BMPR2: variants seen among roughly 807,000 people sequenced by gnomAD.
BMPR2 encodes bone morphogenetic protein receptor type 2.
BMPR2 carries 29 observed loss-of-function variants against 100.8 expected under a neutral mutation model. The observed-to-expected ratio is 0.29, with a 90% CI of 0.21 to 0.39. The LOEUF is 0.39. Ranked by LOEUF, BMPR2 falls within the 10% of genes least tolerant of loss-of-function variation. The pLI, the probability that BMPR2 is intolerant of heterozygous loss-of-function variation, is 1.00. For missense variants in BMPR2, 1,011 were observed against 1,274.5 expected (o/e 0.79, Z 3.15); for synonymous variants, 382 against 442.3 (o/e 0.86, Z 1.71).
chr2:202,517,976 C>CTTTTTTTTTTT (rs67110605), intron 5 of BMPR2, among the ~76,000 whole-genome samples: 148 of 88,404 alleles, frequency 1.7e-3, no homozygotes, highest in East Asian at 2.2e-3. Flanking sequence ...CCACGCCTGA[C>CTTTTTTTTTTT]TTTTTTTTTT....
At chr2:202,395,972 C>G (rs1690649669) in intron 1 of BMPR2, among the ~76,000 whole-genome samples, 2 of 151,858 alleles carry the variant, frequency 1.3e-5, no homozygotes, top group Admixed American at 1.3e-4. Flanking sequence ...AAAAAAAAAG[C>G]TTACAATTCC....
At chr2:202,440,153 T>C (rs1173583914) in intron 1 of BMPR2, among the ~76,000 whole-genome samples, 3 of 150,820 alleles carry the variant, frequency 2.0e-5, no homozygotes, top group African/African-American at 7.5e-5. Context: ...CTGATCTCTC[T>C]TTCTTTTCCC....
Position 202,554,715 on chromosome 2 carries a change from A to G in BMPR2, c.1587-537A>G, listed in dbSNP as rs79944955. Among the ~76,000 whole-genome samples the G allele has an allele frequency of 1.3e-3, 193 of 152,324 alleles. 2 individuals carry two copies. In the East Asian group the frequency reaches 0.035, roughly 28 times the overall value. On this transcript the variant is annotated intron_variant, in intron 11 of 12. Coordinates refer to ENST00000374580, the MANE Select transcript of BMPR2 (RefSeq NM_001204.7). ...TTACTGATATGACTCAGACTACCCC[A>G]GAAAGATATGTGCCATTACTAGGGC...
intron 1 of BMPR2, among the ~76,000 whole-genome samples, chr2:202,382,067 T>G (rs934017103): frequency 6.0e-5 from 9 of 149,010 alleles, no homozygotes; most frequent in African/African-American, 1.5e-4. Context: ...TGTTTTTTTT[T>G]TTTTTTTTTT....
chr2:202,438,581 A>G (rs530788639), intron 1 of BMPR2, among the ~76,000 whole-genome samples: 2 of 150,606 alleles, frequency 1.3e-5, no homozygotes, highest in Non-Finnish European at 2.9e-5. Flanking sequence ...TGAGATATTT[A>G]TAGATTTACT....
chr2:202,397,509 T>G (rs964079938), intron 1 of BMPR2, among the ~76,000 whole-genome samples: 1 of 151,320 alleles, frequency 6.6e-6, no homozygotes, highest in Non-Finnish European at 1.5e-5. Context: ...TTTTTGTTTT[T>G]TTTTTTTGAG....
At chr2:202,434,487 AG>A (rs1691566748) in intron 1 of BMPR2, among the ~76,000 whole-genome samples, 2 of 150,652 alleles carry the variant, frequency 1.3e-5, no homozygotes, top group South Asian at 4.1e-4. Flanking sequence ...AATTTGTTAA[AG>A]AGTCCTTCTC....
At chr2:202,504,125 C>G (rs1687466086) in intron 3 of BMPR2, among the ~76,000 whole-genome samples, 1 of 152,082 alleles carries the variant, frequency 6.6e-6, no homozygotes, top group South Asian at 2.1e-4. Flanking sequence ...TCAAAACAGA[C>G]CACTCGGCTC....
chr2:202,455,598 C>T (rs1692081700), intron 1 of BMPR2, among the ~76,000 whole-genome samples: 2 of 152,112 alleles, frequency 1.3e-5, no homozygotes, highest in Admixed American at 1.3e-4. Flanking sequence ...AGTCTGCTTT[C>T]CTCAGTAAAA....
chr2:202,531,075 G>A (rs1688015678), intron 8 of BMPR2, 121 bp downstream of exon 8: 5 of 1,191,740 alleles, frequency 4.2e-6, no homozygotes, highest in Admixed American at 2.0e-5. Context: ...GGCCCAGGTG[G>A]GTGGATCACC....
intron 1 of BMPR2, among the ~76,000 whole-genome samples, chr2:202,394,409 A>G (rs569676618): frequency 7.2e-5 from 11 of 152,166 alleles, no homozygotes; most frequent in Non-Finnish European, 1.2e-4. Context: ...ACTGACATTC[A>G]TAAAATATAC....
In BMPR2 at chr2:202,562,251, T is replaced by C. The variant is rs1285981734; in HGVS notation, c.*2305T>C. On this transcript the variant is annotated 3_prime_UTR_variant, in exon 13 of 13. Coordinates refer to ENST00000374580, the MANE Select transcript of BMPR2 (RefSeq NM_001204.7). ...TCTGCTATATTTGTATTTGGGCCAGTTGATTGTAGGTTGTCCAACATTTTT... is the reference window on the plus strand; with the variant it reads ...TCTGCTATATTTGTATTTGGGCCAGCTGATTGTAGGTTGTCCAACATTTTT... 1 of 152,524 alleles carries C rather than the reference T, an allele frequency of 6.6e-6. No homozygotes were observed. Among genetic ancestry groups the C allele is most frequent in the East Asian group, 1.9e-4 (1 of 5,200 alleles). The allele number at this position is 152,524 out of a possible 1,614,324, so 9.4% of individuals were successfully genotyped here. A position where few individuals can be genotyped will look rare whatever the true frequency, so the allele number is the denominator to read the frequency against.
rs564196166 is a variant in BMPR2 at position 202,524,372 on chromosome 2, A to C, written c.967+4171A>C. Among the ~76,000 whole-genome samples, 1,025 of 150,930 alleles carry C rather than the reference A, an allele frequency of 6.8e-3. 8 individuals are homozygous for C. Among genetic ancestry groups the C allele is most frequent in the Non-Finnish European group, 0.012 (779 of 67,730 alleles). The stretch of plus-strand genomic sequence containing the variant: ...TCGAGAGTCTGTCTCAAAAAAAAAA[A>C]AAAAACAACTACCTGTTGGGTACTA... On this transcript the variant is annotated intron_variant, in intron 7 of 12. Coordinates refer to ENST00000374580, the MANE Select transcript of BMPR2 (RefSeq NM_001204.7).
rs1295842450 is a variant in BMPR2 at position 202,439,964 on chromosome 2, C to T, written c.77-24845C>T. 2.7e-5 allele frequency among the ~76,000 whole-genome samples: 4 copies of T among 150,172 alleles called. 1 individual carries two copies. Among genetic ancestry groups the T allele is most frequent in the African/African-American group, 1.0e-4 (4 of 39,568 alleles). ...GTTCAAGCATCTGTTTAACAAAGCA[C>T]ATCTTGCACCGCCCTTAATCCATTT... On this transcript the variant is annotated intron_variant, in intron 1 of 12. Transcript: ENST00000374580.
chr2:202,423,273 A>G (rs1049972169), intron 1 of BMPR2, among the ~76,000 whole-genome samples: 6 of 152,192 alleles, frequency 3.9e-5, no homozygotes, highest in African/African-American at 1.2e-4. Flanking sequence ...AAAGTGTTCT[A>G]CCTAACTGAA....
intron 7 of BMPR2, among the ~76,000 whole-genome samples, chr2:202,523,726 C>T (rs1377257841): frequency 3.9e-5 from 6 of 152,096 alleles, no homozygotes; most frequent in South Asian, 4.2e-4. Flanking sequence ...ATCTCTTGAA[C>T]GTGGGAGGCA....
At chr2:202,499,424 A>C (rs1163776440) in intron 3 of BMPR2, among the ~76,000 whole-genome samples, 1 of 152,220 alleles carries the variant, frequency 6.6e-6, no homozygotes, top group South Asian at 2.1e-4. Flanking sequence ...CATCCCCATT[A>C]TGGATCCCCA....
intron 1 of BMPR2, among the ~76,000 whole-genome samples, chr2:202,445,761 T>C (rs1691836359): frequency 7.0e-6 from 1 of 143,066 alleles, no homozygotes; most frequent in South Asian, 2.1e-4. Flanking sequence ...TGCCTAGCCC[T>C]ACAAACATAA....
At chr2:202,428,133 C>T (rs996179019) in intron 1 of BMPR2, among the ~76,000 whole-genome samples, 3 of 152,172 alleles carry the variant, frequency 2.0e-5, no homozygotes, top group African/African-American at 4.8e-5. Context: ...CTGTAGCTCC[C>T]TCCTGTCTGC....
Sources: gnomAD v4.1 joint callset for allele counts (sites outside exome capture counted in the v4.1 genomes callset) on GRCh38, gnomAD v4.1.1 for gene constraint, MANE v1.5 for transcripts, NCBI Gene and HGNC (gene_info 2026-07-23, HGNC 2026-07-21) for gene names.